Variants in KIF3C observed in about 807,000 individuals in gnomAD.
KIF3C encodes the protein kinesin-like protein KIF3C.
Under a neutral mutation model 67.7 loss-of-function variants are expected in KIF3C, and 12 were observed. That is an observed-to-expected ratio of 0.18 (90% CI 0.11 to 0.29). The LOEUF (loss-of-function observed/expected upper bound fraction) is 0.29. Among genes scored for constraint, KIF3C ranks in the 10% least tolerant of loss-of-function variants. The pLI is 1.00. For missense variants in KIF3C, 789 were observed against 1,059.6 expected, an observed-to-expected ratio of 0.74 and a Z score of 3.55; for synonymous variants, 393 against 426.2, an observed-to-expected ratio of 0.92 and a Z score of 0.96.
rs1337859815 is a variant in KIF3C, at chr2:25,929,992, C to T, written c.2078G>A (p.Arg693Gln). 35 of 1,613,956 alleles carry T rather than the reference C, an allele frequency of 2.2e-5. No individual in the cohort carries two copies. The highest frequency in any genetic ancestry group is 2.7e-5 in the African/African-American group (2 of 74,906). ...GYKRPISQYA[R>Q]VAMAMGSHPR... ...GTGGGACCCCATTGCCATGGCAACC[C>T]GAGCATACTGGCTGATAGGCCTCTT... Residue 693 changes from arginine to glutamine, a missense_variant, in exon 6 of 8, where the codon CGG (arginine) becomes CAG (glutamine). By Grantham distance (43) the Arg-to-Gln change is conservative. Transcript: ENST00000264712.
intron 1 of KIF3C, among the ~76,000 whole-genome samples, chr2:25,962,960 T>TATATATAATATATAATATATA (rs1173947940): frequency 6.3e-5 from 2 of 31,998 alleles, no homozygotes; most frequent in Non-Finnish European, 8.9e-5. Context: ...TAATATATAA[T>TATATATAATATATAATATATA]ATATATAATA....
In KIF3C at chr2:25,969,110, C is replaced by T. The variant is rs141027505; in HGVS notation, c.1545+11263G>A. Among the ~76,000 whole-genome samples the T allele has an allele frequency of 9.8e-3, 1,488 of 152,302 alleles. 2 individuals are homozygous for T. Among genetic ancestry groups the T allele is most frequent in the Middle Eastern group, 0.017 (5 of 294 alleles). On this transcript the variant is annotated intron_variant, in intron 1 of 7. Coordinates refer to ENST00000264712, the MANE Select transcript of KIF3C (RefSeq NM_002254.8). ...AAGTGCTGGGATTACAGGCGTGAGC[C>T]ACCGCGTCCGGTCAGGAATCATCTA...
At chr2:25,930,101 G>T in intron 5 of KIF3C, 38 bp from the exon 6 acceptor site, 1 of 1,516,218 alleles carries the variant, frequency 6.6e-7, no homozygotes, top group Non-Finnish European at 9.2e-7. Flanking sequence ...GATTTCTGTG[G>T]AACACAAACA....
At chr2:25,974,172 T>C (rs567700630) in intron 1 of KIF3C, among the ~76,000 whole-genome samples, 111 of 152,066 alleles carry the variant, frequency 7.3e-4, no homozygotes, top group African/African-American at 2.6e-3. Flanking sequence ...CGGGTTCAAG[T>C]GATTCTCCTG....
At chr2:25,962,974 A>AATATATAATATATAAT (rs1316209905) in intron 1 of KIF3C, among the ~76,000 whole-genome samples, 3 of 39,860 alleles carry the variant, frequency 7.5e-5, no homozygotes, top group South Asian at 5.8e-4. Flanking sequence ...TATAATATAT[A>AATATATAATATATAAT]ATATATAATA....
intron 5 of KIF3C, among the ~76,000 whole-genome samples, chr2:25,944,127 A>G (rs1270774395): frequency 6.6e-6 from 1 of 151,582 alleles, no homozygotes; most frequent in Non-Finnish European, 1.5e-5. Context: ...GGCTCACTGC[A>G]ACTTCTGTCT....
rs765440835 is a variant in KIF3C, at chr2:25,981,107, C to T, written c.811G>A (p.Gly271Ser). ...CCACTGCCTCCACCGCCACCACCGC[C>T]ACCCGAGGATGGTGTGGCTGCCCCT... is the stretch of plus-strand genomic sequence containing the variant. ...AGGAATPSSG[G>S]GGGGGGSGGG... The change falls in exon 1 of 8, where the codon GGC becomes AGC. Residue 271 changes from glycine to serine, a missense_variant. Physicochemically the swap from Gly to Ser is moderately conservative, Grantham distance 56. This residue lies in a region of KIF3C where 648 missense variants were observed against 807.8 expected (regional missense o/e 0.80). Transcript: ENST00000264712. The surrounding 1 kb of genome is among the most constrained non-coding windows in gnomAD (Gnocchi z 8.2). 1.2e-6 allele frequency: 2 copies of T among 1,614,132 alleles called. No individual in the cohort carries two copies. The highest frequency in any genetic ancestry group is 1.1e-5 in the South Asian group (1 of 91,084).
At position 25,928,389 on chromosome 2, in the gene KIF3C, A is replaced by C. The variant is rs1325589726; in HGVS notation, c.*589T>G. ...ATGAGCTATGTTGGTGAGGTTATTAATGTCCTTGAAAAGGAGCCCAAGAGG... is the reference window on the plus strand; with the variant it reads ...ATGAGCTATGTTGGTGAGGTTATTACTGTCCTTGAAAAGGAGCCCAAGAGG... On this transcript the variant is annotated 3_prime_UTR_variant, in exon 8 of 8. Coordinates refer to ENST00000264712, the MANE Select transcript of KIF3C (RefSeq NM_002254.8). The C allele has an allele frequency of 6.6e-6, 1 of 152,324 alleles. No homozygotes were observed. The highest frequency in any genetic ancestry group is 1.5e-5 in the Non-Finnish European group (1 of 68,188). 9.4% of individuals were successfully genotyped at this position (152,324 alleles called of 1,614,324 possible).
In KIF3C at chr2:25,929,088, G is replaced by A. The variant is rs375052018; in HGVS notation, c.2289-17C>T. 3.3e-5 allele frequency: 53 copies of A among 1,603,802 alleles called. No individual in the cohort carries two copies. The highest frequency in any genetic ancestry group is 1.7e-4 in the African/African-American group (13 of 74,702). ...CTCTGGCACCTGCAGGGGAGATGAC[G>A]CAGGCGAAAGGGGAGGTTAGGGAAA... On this transcript the variant is annotated splice_polypyrimidine_tract_variant and intron_variant, in intron 7 of 7. Transcript: ENST00000264712.
chr2:25,979,788 C>T (rs749114417), intron 1 of KIF3C, among the ~76,000 whole-genome samples: 1 of 152,186 alleles, frequency 6.6e-6, no homozygotes, highest in Non-Finnish European at 1.5e-5. Flanking sequence ...AGCTCTGCCA[C>T]TTCATAGGAT....
At chr2:25,956,281 A>G (rs770146804) in intron 2 of KIF3C, 62 bp downstream of exon 2, 5 of 1,266,462 alleles carry the variant, frequency 3.9e-6, no homozygotes, top group Non-Finnish European at 5.8e-6. Context: ...ACGGCCCTGC[A>G]CCTCCCAGAC....
At chr2:25,963,146 ATGTG>A (rs1169305679) in intron 1 of KIF3C, among the ~76,000 whole-genome samples, 5 of 92,940 alleles carry the variant, frequency 5.4e-5, no homozygotes, top group Non-Finnish European at 9.8e-5. Context: ...ATATGCATAT[ATGTG>A]TGTGTGTGTA....
chr2:25,940,931 G>A (rs1175818857), intron 5 of KIF3C, among the ~76,000 whole-genome samples: 1 of 152,028 alleles, frequency 6.6e-6, no homozygotes, highest in Non-Finnish European at 1.5e-5. Context: ...GGGATTACAG[G>A]CGTGGGCCAC....
intron 1 of KIF3C, among the ~76,000 whole-genome samples, chr2:25,969,942 C>T (rs1359936239): frequency 6.6e-6 from 1 of 152,226 alleles, no homozygotes; most frequent in Non-Finnish European, 1.5e-5. Flanking sequence ...TCGTGAATGC[C>T]TGGCCTCAAG....
chr2:25,937,357 G>A (rs569243337), intron 5 of KIF3C, among the ~76,000 whole-genome samples: 18 of 152,152 alleles, frequency 1.2e-4, no homozygotes, highest in Non-Finnish European at 2.2e-4. Context: ...AAAAGGTGCC[G>A]TACCCCATTA....
chr2:25,941,556 TAA>T (rs1188342002), intron 5 of KIF3C, among the ~76,000 whole-genome samples: 7 of 137,052 alleles, frequency 5.1e-5, no homozygotes, highest in Non-Finnish European at 6.3e-5. Context: ...TGTCTCTATT[TAA>T]AAAAAAAAAA....
At chr2:25,941,935 G>A (rs1358657274) in intron 5 of KIF3C, among the ~76,000 whole-genome samples, 4 of 152,216 alleles carry the variant, frequency 2.6e-5, no homozygotes, top group Non-Finnish European at 5.9e-5. Context: ...TACTCAGGGG[G>A]CTGAGGTGGG....
chr2:25,946,038 G>A (rs1663424089), intron 5 of KIF3C, among the ~76,000 whole-genome samples: 1 of 151,954 alleles, frequency 6.6e-6, no homozygotes. Context: ...GCTTCAGCCT[G>A]GGAGGCAGAG....
At chr2:25,963,194 A>ATT (rs1178352678) in intron 1 of KIF3C, among the ~76,000 whole-genome samples, 22 of 52,852 alleles carry the variant, frequency 4.2e-4, no homozygotes, top group Admixed American at 6.4e-4. Flanking sequence ...ATATATATAT[A>ATT]TATTTTTTTT....
Sources: allele counts gnomAD v4.1 joint callset (sites outside exome capture counted in the v4.1 genomes callset), GRCh38; gene constraint gnomAD v4.1.1; regional missense constraint gnomAD v4.1.1; non-coding constraint Gnocchi (gnomAD v3.1); transcripts MANE v1.5; gene names NCBI Gene and HGNC (gene_info 2026-07-23, HGNC 2026-07-21).